LMF1: variants seen among roughly 807,000 people sequenced by gnomAD.
The protein encoded by LMF1 is transmembrane protein 112.
LMF1 carries 68 observed loss-of-function variants against 60.6 expected under a neutral mutation model. That is an observed-to-expected ratio of 1.12 (90% CI 0.92 to 1.37). The LOEUF (loss-of-function observed/expected upper bound fraction) is 1.37, where lower values mean the gene tolerates loss of function less well. Among genes scored for constraint, LMF1 ranks in the 40% most tolerant of loss-of-function variants. LMF1 has a pLI of 0.00. For synonymous variants in LMF1, 418 were observed against 324.7 expected (o/e 1.29, Z -3.09); for missense variants, 948 against 767.2 (o/e 1.24, Z -2.78).
At chr16:881,202 G>A (rs1190291382) in intron 5 of LMF1, among the ~76,000 whole-genome samples, 1 of 152,252 alleles carries the variant, frequency 6.6e-6, no homozygotes, top group Non-Finnish European at 1.5e-5. Flanking sequence ...GCACACCCGA[G>A]GGGGTGACCG....
At chr16:915,326 G>A (rs941030365) in intron 3 of LMF1, among the ~76,000 whole-genome samples, 5 of 152,188 alleles carry the variant, frequency 3.3e-5, no homozygotes, top group African/African-American at 1.2e-4. Flanking sequence ...AGGGTGGTGC[G>A]GAGAGCCCTC....
rs538647429 is a variant in LMF1, at chr16:943,349, C to T, written c.504-9095G>A. Among the ~76,000 whole-genome samples the T allele has an allele frequency of 2.0e-3, 252 of 127,936 alleles. 1 individual carries two copies. The highest frequency in any genetic ancestry group is 7.0e-3 in the African/African-American group (228 of 32,562). The allele number at this position is 127,936 out of a possible 152,430, so 83.9% of individuals were successfully genotyped here. On this transcript the variant is annotated intron_variant, in intron 2 of 10. Transcript: ENST00000262301. Reference sequence around the variant, plus strand: ...TCGCGCCACTGCACTCCAGCCTGGGCGACAGAGCGAGACTCCATCTCAAAA... The same window carrying T: ...TCGCGCCACTGCACTCCAGCCTGGGTGACAGAGCGAGACTCCATCTCAAAA...
intron 2 of LMF1, among the ~76,000 whole-genome samples, chr16:941,852 A>C (rs750249035): frequency 3.3e-5 from 5 of 152,332 alleles, no homozygotes; most frequent in Admixed American, 6.5e-5. Flanking sequence ...AGATTCAGGA[A>C]GGATCCCCTC....
Position 963,346 on chromosome 16 carries a change from C to G in LMF1, c.193+7442G>C, listed in dbSNP as rs1041375044. ...GGGACCGCACCAGCAGCTTCCACAG[C>G]TCAGGCCAGTGTGTGTGCATATGGG... On this transcript the variant is annotated intron_variant, in intron 1 of 10. Coordinates refer to ENST00000262301, the MANE Select transcript of LMF1 (RefSeq NM_022773.4). Among the ~76,000 whole-genome samples, 2 of 152,240 alleles carry G rather than the reference C, an allele frequency of 1.3e-5. 1 individual carries two copies. Among genetic ancestry groups the G allele is most frequent in the Admixed American group, 1.3e-4 (2 of 15,310 alleles).
upstream of LMF1, among the ~76,000 whole-genome samples, chr16:973,137 G>A (rs1486247415): frequency 6.6e-6 from 1 of 152,186 alleles, no homozygotes; most frequent in African/African-American, 2.4e-5. Flanking sequence ...GAGGTCAGGA[G>A]TTCAAGACCA....
At chr16:980,002 G>A (rs3809674) in intron 1 of LMF1, 82,119 of 335,542 alleles carry the variant, frequency 0.24, 11,001 homozygotes, top group South Asian at 0.38. Context: ...GGCAGGTGCC[G>A]GAGCCAAGCG....
At position 854,575 on chromosome 16, in the gene LMF1, G is replaced by A. The variant is rs763055499; in HGVS notation, c.1661C>T (p.Pro554Leu). The change falls in exon 11 of 11, where the codon CCC (proline) becomes CTC (leucine). Residue 554 changes from proline (P) to leucine (L), a missense_variant. By Grantham distance (98) the Pro-to-Leu change is moderately conservative (BLOSUM62 -3). Coordinates refer to ENST00000262301, the MANE Select transcript of LMF1 (RefSeq NM_022773.4). ...AGGCCACCCACGGTCCCTGAAGTAG[G>A]GCCTCAGCTCCTCCAGGCTGAGCGG... ...FPPLSLEELR[P>L]YFRDRGWPLP... 6.2e-7 allele frequency: 1 copy of A among 1,608,366 alleles called. No individual in the cohort carries two copies. Among genetic ancestry groups the A allele is most frequent in the South Asian group, 1.1e-5 (1 of 90,372 alleles).
At chr16:915,181 C>A (rs538159745) in intron 3 of LMF1, among the ~76,000 whole-genome samples, 40 of 152,350 alleles carry the variant, frequency 2.6e-4, no homozygotes, top group African/African-American at 8.4e-4. Context: ...AGCCAAGGGG[C>A]GACCAAGGGA....
At chr16:930,486 G>C (rs996167303) in intron 3 of LMF1, among the ~76,000 whole-genome samples, 4 of 151,638 alleles carry the variant, frequency 2.6e-5, no homozygotes, top group African/African-American at 9.7e-5. Flanking sequence ...GCCTGAGCCC[G>C]GGAGGTCAAG....
At chr16:858,599 T>A (rs62646113) in intron 10 of LMF1, among the ~76,000 whole-genome samples, 52 of 5,008 alleles carry the variant, frequency 0.01, 1 homozygote, top group Non-Finnish European at 0.014. Flanking sequence ...GAGTGGTGTC[T>A]CGGGACGGGT....
At chr16:970,372 G>A (rs774502214) in intron 1 of LMF1, among the ~76,000 whole-genome samples, 7 of 152,048 alleles carry the variant, frequency 4.6e-5, no homozygotes, top group Non-Finnish European at 8.8e-5. Flanking sequence ...TCTCCAGGCC[G>A]CCCCCCGCCC....
intron 4 of LMF1, chr16:893,449 C>T (rs1267191748): frequency 6.4e-5 from 29 of 456,310 alleles, no homozygotes; most frequent in Non-Finnish European, 6.2e-5. Flanking sequence ...GGAAGCTTCT[C>T]AGTGCCTCCA....
intron 3 of LMF1, among the ~76,000 whole-genome samples, chr16:932,866 C>T (rs956969059): frequency 7.3e-5 from 11 of 151,444 alleles, no homozygotes; most frequent in Non-Finnish European, 1.2e-4. Flanking sequence ...TCACCACACA[C>T]GCTTCCTCAC....
chr16:920,336 G>T (rs558470707), intron 3 of LMF1, among the ~76,000 whole-genome samples: 1 of 152,364 alleles, frequency 6.6e-6, no homozygotes, highest in Non-Finnish European at 1.5e-5. Context: ...ACGCAGGAAA[G>T]CATCAGGACC....
chr16:940,827 T>C (rs78365786), intron 2 of LMF1, among the ~76,000 whole-genome samples: 9,611 of 152,280 alleles, frequency 0.063, 310 homozygotes, highest in Non-Finnish European at 0.073. Context: ...ATAGTGCCGT[T>C]CTGATCTTCT....
intron 1 of LMF1, among the ~76,000 whole-genome samples, chr16:969,836 C>A (rs1274436656): frequency 6.6e-6 from 1 of 152,196 alleles, no homozygotes; most frequent in Non-Finnish European, 1.5e-5. Flanking sequence ...TCCGTGTGAT[C>A]ACATGTCACC....
At chr16:917,699 G>C (rs1596989779) in intron 3 of LMF1, among the ~76,000 whole-genome samples, 1 of 152,220 alleles carries the variant, frequency 6.6e-6, no homozygotes, top group Non-Finnish European at 1.5e-5. Context: ...TTGCAGGGGT[G>C]CTGGGAGGTC....
Position 869,111 on chromosome 16 carries a change from C to G in LMF1, c.1417-55G>C, listed in dbSNP as rs1022237461. The G allele has an allele frequency of 3.4e-6, 4 of 1,173,436 alleles. No individual in the cohort carries two copies. The African/African-American group carries it at 6.0e-5, about 18-fold the overall frequency. 72.7% of individuals were successfully genotyped at this position (1,173,436 alleles called of 1,614,324 possible). ...TGTGCCACTCGCTGTCCAGGCACAG[C>G]CCCTCCGGACGCTCGGCTGTGCCCT... On this transcript the variant is annotated intron_variant, in intron 9 of 10. Coordinates refer to ENST00000262301, the MANE Select transcript of LMF1 (RefSeq NM_022773.4).
At chr16:932,574 T>C (rs2071821406) in intron 3 of LMF1, among the ~76,000 whole-genome samples, 2 of 152,154 alleles carry the variant, frequency 1.3e-5, no homozygotes, top group South Asian at 2.1e-4. Flanking sequence ...ACTGTTGTGA[T>C]TGTACAATTT....
Sources: gnomAD v4.1 joint callset for allele counts (sites outside exome capture counted in the v4.1 genomes callset) on GRCh38, gnomAD v4.1.1 for gene constraint, MANE v1.5 for transcripts, NCBI Gene and HGNC (gene_info 2026-07-23, HGNC 2026-07-21) for gene names.